Variants in ARL15 observed in about 807,000 individuals in gnomAD.
The protein encoded by ARL15 is ADP-ribosylation factor-like protein 15.
Under a neutral mutation model 25.2 loss-of-function variants are expected in ARL15, and 19 were observed. The observed-to-expected ratio is 0.75, with a 90% CI of 0.53 to 1.10. The LOEUF (loss-of-function observed/expected upper bound fraction) is 1.10, where lower values mean the gene tolerates loss of function less well. Ranked by LOEUF, ARL15 falls within the 50% of genes least tolerant of loss-of-function variation. The pLI is 0.00. For synonymous variants in ARL15, 94 were observed against 86.8 expected (o/e 1.08, Z -0.46); for missense variants, 220 against 246.0 (o/e 0.89, Z 0.71).
At chr5:54,294,852 T>A (rs1758425987) in intron 1 of ARL15, among the ~76,000 whole-genome samples, 1 of 152,220 alleles carries the variant, frequency 6.6e-6, no homozygotes, top group Non-Finnish European at 1.5e-5. Context: ...GGATAAATAA[T>A]CTTTCCCTCA....
chr5:54,051,886 T>A (rs1029226914), intron 4 of ARL15, among the ~76,000 whole-genome samples: 1 of 152,174 alleles, frequency 6.6e-6, no homozygotes, highest in East Asian at 1.9e-4. Flanking sequence ...CTAGAAGCAA[T>A]CAAGATGTCT....
intron 1 of ARL15, among the ~76,000 whole-genome samples, chr5:54,303,614 C>CCTGAAAATCTAT (rs1181620942): frequency 2.4e-5 from 3 of 125,060 alleles, no homozygotes; most frequent in Admixed American, 8.4e-5. Context: ...AAGGAGATCG[C>CCTGAAAATCTAT]ACCACTGCAC....
intron 1 of ARL15, among the ~76,000 whole-genome samples, chr5:54,258,568 T>C (rs562392157): frequency 1.6e-4 from 24 of 152,240 alleles, no homozygotes; most frequent in Non-Finnish European, 1.0e-4. Context: ...TGATCCTAAT[T>C]CAACTATAAT....
intron 1 of ARL15, among the ~76,000 whole-genome samples, chr5:54,209,324 A>G (rs190132046): frequency 7.6e-6 from 1 of 131,426 alleles, no homozygotes; most frequent in East Asian, 2.0e-4. Context: ...TGGTAAATAT[A>G]AAAAGAGAAA....
At chr5:53,926,638 A>G (rs945173109) in intron 4 of ARL15, among the ~76,000 whole-genome samples, 3 of 152,118 alleles carry the variant, frequency 2.0e-5, no homozygotes, top group Non-Finnish European at 2.9e-5. Flanking sequence ...TCTTCTTCAG[A>G]TTGTTCTACG....
At chr5:54,167,135 C>T (rs1754597312) in intron 2 of ARL15, among the ~76,000 whole-genome samples, 1 of 152,168 alleles carries the variant, frequency 6.6e-6, no homozygotes, top group Admixed American at 6.5e-5. Flanking sequence ...CCTGTATGAA[C>T]ACCAACCACT....
intron 1 of ARL15, among the ~76,000 whole-genome samples, chr5:54,301,580 T>A: frequency 6.6e-6 from 1 of 152,232 alleles, no homozygotes; most frequent in East Asian, 1.9e-4. Flanking sequence ...TGTACTTTTC[T>A]GAATGCTTAA....
At chr5:54,153,235 C>A (rs1162607526) in intron 3 of ARL15, among the ~76,000 whole-genome samples, 2 of 152,038 alleles carry the variant, frequency 1.3e-5, no homozygotes, top group African/African-American at 4.8e-5. Flanking sequence ...TTTTTATAAA[C>A]CATGCATCTG....
chr5:53,966,431 A>C (rs1580125476), intron 4 of ARL15, among the ~76,000 whole-genome samples: 1 of 152,308 alleles, frequency 6.6e-6, no homozygotes, highest in East Asian at 1.9e-4. Context: ...TGTTTCCCTG[A>C]GTTCTGTGTG....
intron 4 of ARL15, among the ~76,000 whole-genome samples, chr5:54,060,214 C>T (rs974774476): frequency 6.7e-6 from 1 of 150,250 alleles, no homozygotes; most frequent in African/African-American, 2.5e-5. Flanking sequence ...GTGGGTGGAT[C>T]ATGAGGTCAG....
intron 1 of ARL15, among the ~76,000 whole-genome samples, chr5:54,260,283 G>A (rs944950038): frequency 6.6e-6 from 1 of 152,132 alleles, no homozygotes; most frequent in Non-Finnish European, 1.5e-5. Flanking sequence ...AGCAGAAAAG[G>A]AAGAACCAGG....
At chr5:54,102,895 T>C (rs1158242330) in intron 4 of ARL15, among the ~76,000 whole-genome samples, 1 of 152,226 alleles carries the variant, frequency 6.6e-6, no homozygotes, top group Non-Finnish European at 1.5e-5. Flanking sequence ...ACAGTTCATA[T>C]GTAGAACCTT....
intron 1 of ARL15, among the ~76,000 whole-genome samples, chr5:54,181,682 C>T (rs1380871712): frequency 1.3e-5 from 2 of 152,006 alleles, no homozygotes; most frequent in South Asian, 4.2e-4. Flanking sequence ...GCTGGTAATC[C>T]CAGCACTTTA....
At chr5:54,274,197 G>T (rs1220239069) in intron 1 of ARL15, among the ~76,000 whole-genome samples, 1 of 151,968 alleles carries the variant, frequency 6.6e-6, no homozygotes, top group African/African-American at 2.4e-5. Flanking sequence ...CAGGTTTAGG[G>T]GCAGCAAGAG....
At chr5:54,184,439 T>TAAAAAAAAAA in intron 1 of ARL15, among the ~76,000 whole-genome samples, 1 of 69,108 alleles carries the variant, frequency 1.4e-5, no homozygotes, top group Non-Finnish European at 2.8e-5. Flanking sequence ...ACACTGTCTT[T>TAAAAAAAAAA]AAAAAAAAAA....
At chr5:54,230,984 C>T (rs1756655758) in intron 1 of ARL15, among the ~76,000 whole-genome samples, 1 of 152,164 alleles carries the variant, frequency 6.6e-6, no homozygotes, top group Admixed American at 6.5e-5. Context: ...TCACTAATAG[C>T]ATTTTTACCT....
chr5:53,957,690 G>A (rs558543975), intron 4 of ARL15, among the ~76,000 whole-genome samples: 2 of 152,072 alleles, frequency 1.3e-5, no homozygotes, highest in African/African-American at 2.4e-5. Flanking sequence ...TGGGTATGGT[G>A]GTATATGCCC....
intron 1 of ARL15, among the ~76,000 whole-genome samples, chr5:54,199,262 A>T (rs1755644727): frequency 6.6e-6 from 1 of 152,164 alleles, no homozygotes; most frequent in Non-Finnish European, 1.5e-5. Flanking sequence ...CTAGAACACC[A>T]AAAGCAATGG....
At chr5:54,179,237 C>A (rs181308257) in intron 1 of ARL15, among the ~76,000 whole-genome samples, 2 of 152,130 alleles carry the variant, frequency 1.3e-5, no homozygotes, top group Admixed American at 6.5e-5. Flanking sequence ...GAAAATGTAC[C>A]CGAGAGCTAT....
Sources: allele counts gnomAD v4.1 joint callset (sites outside exome capture counted in the v4.1 genomes callset), GRCh38; gene constraint gnomAD v4.1.1; transcripts MANE v1.5; gene names NCBI Gene and HGNC (gene_info 2026-07-23, HGNC 2026-07-21).